Variants in ST6GALNAC3 observed in about 807,000 individuals in gnomAD.
ST6GALNAC3 encodes the protein alpha-N-acetylgalactosaminide alpha-2,6-sialyltransferase 3.
ST6GALNAC3 carries 25 observed loss-of-function variants against 32.7 expected under a neutral mutation model. The ratio of observed to expected loss-of-function variants is 0.76; its 90% confidence interval spans 0.56 to 1.07. ST6GALNAC3 has a LOEUF of 1.07. Among genes scored for constraint, ST6GALNAC3 ranks in the 50% least tolerant of loss-of-function variants. The pLI, the probability that ST6GALNAC3 is intolerant of heterozygous loss-of-function variation, is 0.00. For missense variants in ST6GALNAC3, 355 were observed against 382.4 expected, an observed-to-expected ratio of 0.93 and a Z score of 0.60; for synonymous variants, 129 against 133.1, an observed-to-expected ratio of 0.97 and a Z score of 0.21.
At position 76,618,145 on chromosome 1, in the gene ST6GALNAC3, C is replaced by T. The variant is rs187462518; in HGVS notation, c.624-9307C>T. On this transcript the variant is annotated intron_variant, in intron 3 of 4. Coordinates refer to ENST00000328299, the MANE Select transcript of ST6GALNAC3 (RefSeq NM_152996.4). Reference sequence around the variant, plus strand: ...TAATGATGAAAGACCCTACGCCTACCTAGACCAATCCTCTTATTCTACCAT... The same window carrying T: ...TAATGATGAAAGACCCTACGCCTACTTAGACCAATCCTCTTATTCTACCAT... 7.2e-5 allele frequency among the ~76,000 whole-genome samples: 11 copies of T among 152,300 alleles called. No homozygotes were observed. The East Asian group carries it at 1.9e-3, about 27-fold the overall frequency.
At chr1:76,625,426 G>T (rs1269688689) in intron 3 of ST6GALNAC3, among the ~76,000 whole-genome samples, 1 of 151,544 alleles carries the variant, frequency 6.6e-6, no homozygotes, top group Non-Finnish European at 1.5e-5. Flanking sequence ...GCCTGATAAT[G>T]AAGAATAGAC....
chr1:76,389,355 C>A (rs1652356716), intron 2 of ST6GALNAC3, among the ~76,000 whole-genome samples: 1 of 152,058 alleles, frequency 6.6e-6, no homozygotes, highest in Non-Finnish European at 1.5e-5. Flanking sequence ...TGGCCAGAGT[C>A]CAGGGCACCT....
intron 3 of ST6GALNAC3, among the ~76,000 whole-genome samples, chr1:76,602,728 TG>T (rs1265990911): frequency 1.3e-5 from 2 of 152,032 alleles, no homozygotes; most frequent in Non-Finnish European, 2.9e-5. Flanking sequence ...ATTAATGTAT[TG>T]GTTTTTTAAT....
intron 1 of ST6GALNAC3, among the ~76,000 whole-genome samples, chr1:76,141,979 G>C (rs1006805402): frequency 6.6e-6 from 1 of 152,216 alleles, no homozygotes; most frequent in Admixed American, 6.5e-5. Context: ...AAGTGCTAAG[G>C]CTTCAGATGA....
intron 3 of ST6GALNAC3, among the ~76,000 whole-genome samples, chr1:76,582,084 T>C (rs1228100045): frequency 6.6e-6 from 1 of 152,208 alleles, no homozygotes; most frequent in African/African-American, 2.4e-5. Context: ...ATAATACATA[T>C]ATAAACCAGT....
intron 2 of ST6GALNAC3, among the ~76,000 whole-genome samples, chr1:76,329,634 C>T (rs930139048): frequency 6.6e-6 from 1 of 152,040 alleles, no homozygotes; most frequent in African/African-American, 2.4e-5. Context: ...TTAGCAGTCA[C>T]GGCTCTCTCT....
chr1:76,168,967 T>G (rs1300056997), intron 1 of ST6GALNAC3, among the ~76,000 whole-genome samples: 2 of 152,192 alleles, frequency 1.3e-5, no homozygotes, highest in African/African-American at 4.8e-5. Context: ...AGGTTAATAT[T>G]GATATGTGAG....
At chr1:76,357,867 A>G (rs1649612440) in intron 2 of ST6GALNAC3, among the ~76,000 whole-genome samples, 2 of 150,124 alleles carry the variant, frequency 1.3e-5, no homozygotes, top group Non-Finnish European at 2.9e-5. Context: ...AAGGTCCTAG[A>G]AATGGTAAAA....
chr1:76,255,164 T>A (rs1657848787), intron 1 of ST6GALNAC3, among the ~76,000 whole-genome samples: 1 of 152,044 alleles, frequency 6.6e-6, no homozygotes, highest in Non-Finnish European at 1.5e-5. Context: ...ATCCCATAAA[T>A]TTTATTCAAT....
chr1:76,620,594 G>A (rs1415679064), intron 3 of ST6GALNAC3, among the ~76,000 whole-genome samples: 2 of 152,032 alleles, frequency 1.3e-5, no homozygotes, highest in Non-Finnish European at 1.5e-5. Context: ...GGAAGAGGGA[G>A]CACTCTGGTG....
intron 1 of ST6GALNAC3, among the ~76,000 whole-genome samples, chr1:76,132,866 G>T (rs573184611): frequency 6.6e-6 from 1 of 152,254 alleles, no homozygotes; most frequent in South Asian, 2.1e-4. Context: ...CTGGGGGAGG[G>T]TCATACAGCC....
chr1:76,617,763 G>A (rs1435721445), intron 3 of ST6GALNAC3, among the ~76,000 whole-genome samples: 1 of 152,130 alleles, frequency 6.6e-6, no homozygotes, highest in East Asian at 1.9e-4. Flanking sequence ...GCAAGGAACA[G>A]ATGTCTCCTC....
chr1:76,629,530 C>A lies in ST6GALNAC3; in HGVS notation c.*724C>A. On this transcript the variant is annotated 3_prime_UTR_variant, in exon 5 of 5. Transcript: ENST00000328299. The stretch of plus-strand genomic sequence containing the variant: ...TCTTACTACCAACAGTATAACTGAA[C>A]ATGTGATTAGAATGATCTATATTAA... 8.1e-6 allele frequency: 8 copies of A among 984,746 alleles called. No homozygotes were observed. Among genetic ancestry groups the A allele is most frequent in the Non-Finnish European group, 9.6e-6 (8 of 829,076 alleles). 61.0% of individuals were successfully genotyped at this position (984,746 alleles called of 1,614,324 possible). A position where few individuals can be genotyped will look rare whatever the true frequency, so the allele number is the denominator to read the frequency against.
chr1:76,621,951 A>T (rs1012088091), intron 3 of ST6GALNAC3, among the ~76,000 whole-genome samples: 2 of 152,036 alleles, frequency 1.3e-5, no homozygotes, highest in Admixed American at 1.3e-4. Flanking sequence ...CTTCTTTTAA[A>T]TTCTCTTTTT....
chr1:76,291,667 A>G (rs577743147), intron 1 of ST6GALNAC3, among the ~76,000 whole-genome samples: 7 of 152,204 alleles, frequency 4.6e-5, no homozygotes, highest in African/African-American at 7.2e-5. Flanking sequence ...TAGTGTAGAG[A>G]AAAGCATTGA....
chr1:76,512,490 A>G (rs921069970), intron 3 of ST6GALNAC3, among the ~76,000 whole-genome samples: 3 of 152,206 alleles, frequency 2.0e-5, no homozygotes, highest in Non-Finnish European at 4.4e-5. Context: ...TTTATGGTGT[A>G]CAATTTGATA....
intron 2 of ST6GALNAC3, among the ~76,000 whole-genome samples, chr1:76,315,899 G>A (rs891328295): frequency 3.3e-5 from 5 of 152,058 alleles, no homozygotes. Flanking sequence ...GGCATAAAGT[G>A]TTCAGTATGA....
chr1:76,195,811 A>G (rs996947809), intron 1 of ST6GALNAC3, among the ~76,000 whole-genome samples: 8 of 152,220 alleles, frequency 5.3e-5, no homozygotes, highest in African/African-American at 1.7e-4. Flanking sequence ...CATGAGTTCT[A>G]TAAAGGAAGT....
chr1:76,347,732 T>G (rs966287795), intron 2 of ST6GALNAC3, among the ~76,000 whole-genome samples: 3 of 152,134 alleles, frequency 2.0e-5, no homozygotes, highest in Non-Finnish European at 2.9e-5. Flanking sequence ...GAGTCAAACT[T>G]CCTGGGTTCA....
Sources: allele counts gnomAD v4.1 joint callset (sites outside exome capture counted in the v4.1 genomes callset), GRCh38; gene constraint gnomAD v4.1.1; transcripts MANE v1.5; gene names NCBI Gene and HGNC (gene_info 2026-07-23, HGNC 2026-07-21).